The following ADAM23 variants were observed in gnomAD, a reference collection of about 807,000 sequenced individuals.
ADAM23 encodes the protein disintegrin and metalloproteinase domain-containing protein 23.
Under a neutral mutation model 120.1 loss-of-function variants are expected in ADAM23, and 33 were observed. The ratio of observed to expected loss-of-function variants is 0.27; its 90% CI spans 0.21 to 0.37. The LOEUF (loss-of-function observed/expected upper bound fraction) is 0.37, where lower values mean the gene tolerates loss of function less well. Among genes scored for constraint, ADAM23 ranks in the 10% least tolerant of loss-of-function variants. ADAM23 has a pLI of 1.00. For missense variants in ADAM23, 862 were observed against 1,058.2 expected (o/e 0.81, Z 2.57); for synonymous variants, 367 against 375.2 (o/e 0.98, Z 0.25).
chr2:206,596,219 A>G lies in ADAM23; in HGVS notation c.2359+57A>G, dbSNP rs114216457. On this transcript the variant is annotated intron_variant, in intron 24 of 25. Transcript: ENST00000264377. ...TACTGAATTCGTTGACACTGTTCCA[A>G]TGCACCAGTATAACATTCTAATTGA... 7.1e-3 allele frequency: 9,118 copies of G among 1,280,064 alleles called. 43 individuals are homozygous for G. The highest frequency in any genetic ancestry group is 0.025 in the African/African-American group (1,723 of 68,328). 79.3% of individuals were successfully genotyped at this position (1,280,064 alleles called of 1,614,324 possible). A position where few individuals can be genotyped will look rare whatever the true frequency, so the allele number is the denominator to read the frequency against.
intron 13 of ADAM23, 65 bp downstream of exon 13, chr2:206,562,358 C>A: frequency 2.6e-6 from 3 of 1,134,784 alleles, no homozygotes; most frequent in South Asian, 2.9e-5. Flanking sequence ...CATGTCCAGT[C>A]AATAAATAAA....
chr2:206,595,535 T>C (rs1366988554), intron 23 of ADAM23, among the ~76,000 whole-genome samples: 2 of 151,930 alleles, frequency 1.3e-5, no homozygotes, highest in African/African-American at 4.8e-5. Flanking sequence ...CCAAGTGAGT[T>C]TGGTGTTGGA....
intron 3 of ADAM23, among the ~76,000 whole-genome samples, chr2:206,504,221 A>G (rs1458286648): frequency 6.6e-6 from 1 of 152,158 alleles, no homozygotes; most frequent in Non-Finnish European, 1.5e-5. Context: ...GATAGAATGT[A>G]TTAGATGTAA....
chr2:206,560,156 C>A, intron 11 of ADAM23, 38 bp downstream of exon 11: 1 of 1,583,300 alleles, frequency 6.3e-7, no homozygotes, highest in South Asian at 1.2e-5. Flanking sequence ...AGTCTTTGGT[C>A]TGACATTTAT....
intron 3 of ADAM23, among the ~76,000 whole-genome samples, chr2:206,492,153 G>A (rs2105886379): frequency 6.6e-6 from 1 of 152,322 alleles, no homozygotes; most frequent in Admixed American, 6.5e-5. Flanking sequence ...GGAAAGTACA[G>A]GATGTTTTTA....
chr2:206,495,882 C>A (rs925832618), intron 3 of ADAM23, among the ~76,000 whole-genome samples: 12 of 152,174 alleles, frequency 7.9e-5, no homozygotes, highest in Non-Finnish European at 1.8e-4. Flanking sequence ...TTTAAACCAA[C>A]AAAGATCAAA....
intron 9 of ADAM23, among the ~76,000 whole-genome samples, chr2:206,551,909 T>A (rs1305323243): frequency 6.6e-6 from 1 of 152,166 alleles, no homozygotes; most frequent in East Asian, 1.9e-4. Flanking sequence ...CACATATAAT[T>A]TAAGAGAGGT....
rs775312393 is a variant in ADAM23 at position 206,445,406 on chromosome 2, A to G, written c.314A>G (p.Asn105Ser). The G allele has an allele frequency of 6.2e-7, 1 of 1,614,170 alleles. No homozygotes were observed. Among genetic ancestry groups the G allele is most frequent in the Non-Finnish European group, 8.5e-7 (1 of 1,179,990 alleles). ...QNSSSNISYS[N>S]AMQKEITLPS... Reference sequence around the variant, plus strand: ...AGCAGCAGTAATATCAGTTACAGCAATGCAATGCAGAAAGAAATCACACTG... The same window carrying G: ...AGCAGCAGTAATATCAGTTACAGCAGTGCAATGCAGAAAGAAATCACACTG... Residue 105 changes from asparagine to serine, a missense_variant, in exon 2 of 26, where the codon AAT becomes AGT. Asn to Ser is a conservative substitution (Grantham distance 46, BLOSUM62 1). This residue lies in a region of ADAM23 where 225 missense variants were observed against 204.0 expected (regional missense o/e 1.10). Coordinates refer to ENST00000264377, the MANE Select transcript of ADAM23 (RefSeq NM_003812.4).
At chr2:206,475,893 T>C (rs895697685) in intron 2 of ADAM23, among the ~76,000 whole-genome samples, 1 of 152,148 alleles carries the variant, frequency 6.6e-6, no homozygotes, top group African/African-American at 2.4e-5. Context: ...AAGAACCGTA[T>C]GCAACAAGAT....
Position 206,549,025 on chromosome 2 carries a change from GT to G in ADAM23, c.867+674del, listed in dbSNP as rs1360580294. The stretch of plus-strand genomic sequence containing the variant: ...CTAGAAAGCTGTAATGATGGGGACT[GT>G]TTAGTAATTACATGGTGAATGCTAT... On this transcript the variant is annotated intron_variant, in intron 8 of 25. Transcript: ENST00000264377. 1.6e-4 allele frequency among the ~76,000 whole-genome samples: 25 copies of G among 152,168 alleles called. No homozygotes were observed. The East Asian group carries it at 4.0e-3, about 25-fold the overall frequency.
intron 3 of ADAM23, among the ~76,000 whole-genome samples, chr2:206,513,659 G>A (rs1696672812): frequency 6.6e-6 from 1 of 152,220 alleles, no homozygotes; most frequent in Admixed American, 6.5e-5. Flanking sequence ...CTAAACAACA[G>A]ATTTTCAATG....
intron 3 of ADAM23, among the ~76,000 whole-genome samples, chr2:206,513,707 C>G (rs1247669972): frequency 1.1e-4 from 17 of 152,220 alleles, no homozygotes; most frequent in Admixed American, 1.1e-3. Flanking sequence ...AAGACTCCAT[C>G]TAGGACTTTC....
chr2:206,528,634 T>C (rs183103848), intron 3 of ADAM23, among the ~76,000 whole-genome samples: 1 of 152,322 alleles, frequency 6.6e-6, no homozygotes, highest in Non-Finnish European at 1.5e-5. Context: ...ATGCATCAGA[T>C]GCAGCTCTCA....
chr2:206,540,968 T>C (rs907561377), intron 4 of ADAM23, among the ~76,000 whole-genome samples: 6 of 147,698 alleles, frequency 4.1e-5, no homozygotes, highest in Admixed American at 6.8e-5. Context: ...ATAAATATTA[T>C]TTTTATAATA....
chr2:206,583,281 C>T (rs1253195099), intron 18 of ADAM23, among the ~76,000 whole-genome samples: 2 of 152,074 alleles, frequency 1.3e-5, no homozygotes, highest in African/African-American at 4.8e-5. Context: ...AGTGAAACCC[C>T]GTCTCTACTA....
chr2:206,565,607 G>A (rs549885089), intron 14 of ADAM23, among the ~76,000 whole-genome samples: 4 of 152,260 alleles, frequency 2.6e-5, no homozygotes, highest in Admixed American at 2.6e-4. Context: ...GGGAACTAGA[G>A]CAGCTTCCCC....
chr2:206,489,418 G>T (rs1428919556), intron 3 of ADAM23, among the ~76,000 whole-genome samples: 1 of 152,092 alleles, frequency 6.6e-6, no homozygotes, highest in Non-Finnish European at 1.5e-5. Flanking sequence ...TCAGAGAGCT[G>T]GTCACACACT....
At chr2:206,495,676 A>G (rs1472242559) in intron 3 of ADAM23, among the ~76,000 whole-genome samples, 1 of 152,224 alleles carries the variant, frequency 6.6e-6, no homozygotes, top group Non-Finnish European at 1.5e-5. Context: ...TAAATGGGCT[A>G]AATGCTCCAA....
At chr2:206,493,010 T>C (rs1039433429) in intron 3 of ADAM23, among the ~76,000 whole-genome samples, 3 of 152,238 alleles carry the variant, frequency 2.0e-5, no homozygotes, top group African/African-American at 7.2e-5. Flanking sequence ...CAATAACTTA[T>C]TAAATTTTCC....
Sources: gnomAD v4.1 joint callset for allele counts (sites outside exome capture counted in the v4.1 genomes callset) on GRCh38, gnomAD v4.1.1 for gene constraint, gnomAD v4.1.1 regional missense constraint, MANE v1.5 for transcripts, NCBI Gene and HGNC (gene_info 2026-07-23, HGNC 2026-07-21) for gene names.